MYH9: variants seen among roughly 807,000 people sequenced by gnomAD.
The protein encoded by MYH9 is myosin-9.
MYH9 carries 29 observed loss-of-function variants against 241.9 expected under a neutral mutation model. The observed-to-expected ratio is 0.12, with a 90% CI of 0.09 to 0.16. The LOEUF is 0.16. Among genes scored for constraint, MYH9 ranks in the 10% least tolerant of loss-of-function variants. MYH9 has a pLI of 1.00. For synonymous variants in MYH9, 1,047 were observed against 1,062.6 expected (o/e 0.99, Z 0.29); for missense variants, 1,803 against 2,595.5 (o/e 0.69, Z 6.63).
At chr22:36,378,228 C>T (rs1049955704) in intron 1 of MYH9, among the ~76,000 whole-genome samples, 7 of 151,744 alleles carry the variant, frequency 4.6e-5, no homozygotes, top group East Asian at 1.9e-4. Context: ...GAGTTGCTAT[C>T]GCGCCACCAC....
At chr22:36,369,368 G>T (rs902097122) in intron 1 of MYH9, among the ~76,000 whole-genome samples, 8 of 152,300 alleles carry the variant, frequency 5.3e-5, no homozygotes, top group African/African-American at 1.9e-4. Flanking sequence ...TGAGCATTTG[G>T]CATTATATAC....
At chr22:36,322,396 T>C (rs1232773635) in intron 6 of MYH9, 33 bp downstream of exon 6, 2 of 1,608,676 alleles carry the variant, frequency 1.2e-6, no homozygotes, top group South Asian at 2.2e-5. Flanking sequence ...AGGCCCTCTG[T>C]CCCCAGAGCC....
Position 36,283,789 on chromosome 22 carries a change from G to A in MYH9, c.5765+304C>T, listed in dbSNP as rs531217022. Among the ~76,000 whole-genome samples the A allele has an allele frequency of 1.4e-4, 21 of 152,328 alleles. No homozygotes were observed. In the South Asian group the frequency reaches 2.1e-3, roughly 15 times the overall value. On this transcript the variant is annotated intron_variant, in intron 40 of 40. Transcript: ENST00000216181. ...GGCATTGCTCATGAGGCTCACATTCGTTTTGCAGATATTTAACTGAGGCAC... is the reference window on the plus strand; with the variant it reads ...GGCATTGCTCATGAGGCTCACATTCATTTTGCAGATATTTAACTGAGGCAC...
intron 35 of MYH9, 57 bp from the exon 36 acceptor site, chr22:36,286,010 C>A: frequency 6.3e-7 from 1 of 1,590,990 alleles, no homozygotes; most frequent in South Asian, 1.1e-5. Context: ...CAAGACCATC[C>A]TTCCCAGCCC....
chr22:36,305,245 C>CA lies in MYH9; in HGVS notation c.2160-144dup. ...CAAACTCTCCTAAGGAAAGAAGACA[C>CA]AGGCAAATCCCACCCCACTCTTTTC... is the stretch of plus-strand genomic sequence containing the variant. On this transcript the variant is annotated intron_variant, in intron 17 of 40. Transcript: ENST00000216181. This position sits in a 1 kb window ranked among gnomAD's most constrained non-coding sequence, Gnocchi z 4.7. The CA allele has an allele frequency of 1.3e-6, 1 of 778,454 alleles. No homozygotes were observed. The highest frequency in any genetic ancestry group is 2.2e-6 in the Non-Finnish European group (1 of 454,372). 48.2% of individuals were successfully genotyped at this position (778,454 alleles called of 1,614,324 possible). A position where few individuals can be genotyped will look rare whatever the true frequency, so the allele number is the denominator to read the frequency against.
chr22:36,328,014 G>T, intron 3 of MYH9, among the ~76,000 whole-genome samples: 1 of 152,336 alleles, frequency 6.6e-6, no homozygotes, highest in East Asian at 1.9e-4. Flanking sequence ...CCTGAGACCC[G>T]GGACAGGTGC....
At chr22:36,334,116 G>A (rs1209033473) in intron 3 of MYH9, among the ~76,000 whole-genome samples, 3 of 152,064 alleles carry the variant, frequency 2.0e-5, no homozygotes, top group African/African-American at 2.4e-5. Context: ...TAAGCCTAAC[G>A]CTGAATCCTT....
intron 1 of MYH9, among the ~76,000 whole-genome samples, chr22:36,378,101 C>A (rs2018199328): frequency 6.6e-6 from 1 of 151,174 alleles, no homozygotes; most frequent in African/African-American, 2.4e-5. Flanking sequence ...ATGGCAAAAC[C>A]CTGTCTCTAC....
intron 9 of MYH9, chr22:36,319,840 G>A (rs539960690): frequency 4.1e-5 from 27 of 660,188 alleles, no homozygotes; most frequent in Middle Eastern, 4.0e-4. Context: ...CCTCCTGGCC[G>A]ACATGGCCTG....
intron 14 of MYH9, among the ~76,000 whole-genome samples, chr22:36,310,816 T>C (rs1209782309): frequency 6.6e-6 from 1 of 151,954 alleles, no homozygotes; most frequent in East Asian, 1.9e-4. Context: ...AGCAAAAGCC[T>C]TCCTGGAAGC....
intron 1 of MYH9, among the ~76,000 whole-genome samples, chr22:36,366,878 A>G (rs568570094): frequency 1.6e-4 from 24 of 152,146 alleles, no homozygotes; most frequent in African/African-American, 2.4e-5. Context: ...AGACTAGAAC[A>G]AACCCCCATC....
Position 36,306,577 on chromosome 22 carries a change from G to C in MYH9, c.1874C>G (p.Ala625Gly), listed in dbSNP as rs376240562. Reference protein sequence around the residue: ...VDRIIGLDQVAGMSETALPGA... With the variant: ...VDRIIGLDQVGGMSETALPGA... The stretch of plus-strand genomic sequence containing the variant: ...GGGCAGTGCGGTCTCCGACATGCCG[G>C]CCACCTGGTCCAGGCCGATGATGCG... Residue 625 changes from alanine (A) to glycine (G), a missense_variant, in exon 16 of 41, where the codon GCC becomes GGC. Coordinates refer to ENST00000216181, the MANE Select transcript of MYH9 (RefSeq NM_002473.6). This position sits in a 1 kb window ranked among gnomAD's most constrained non-coding sequence, Gnocchi z 4.1. 6.2e-7 allele frequency: 1 copy of C among 1,613,574 alleles called. No individual in the cohort carries two copies. Among genetic ancestry groups the C allele is most frequent in the Non-Finnish European group, 8.5e-7 (1 of 1,179,996 alleles).
rs1315796069 is a variant in MYH9, at chr22:36,285,882, G to A, written c.5133C>T (p.Ala1711=). The A allele has an allele frequency of 7.4e-6, 12 of 1,613,384 alleles. No individual in the cohort carries two copies. Among genetic ancestry groups the A allele is most frequent in the South Asian group, 2.2e-5 (2 of 91,062 alleles). Residue 1711 remains alanine (A), a synonymous_variant, in exon 36 of 41, where the codon GCC becomes GCT. Coordinates refer to ENST00000216181, the MANE Select transcript of MYH9 (RefSeq NM_002473.6). This position sits in a 1 kb window ranked among gnomAD's most constrained non-coding sequence, Gnocchi z 7.0. ...CAGCTCACCCTTTGCCGCTGCTGTT[G>A]GCGATCTCGTCAGCCAGCTCATCCC... ...QERDELADEI[A]NSSGKGALAL... is the part of the protein sequence containing the mutation.
intron 20 of MYH9, among the ~76,000 whole-genome samples, chr22:36,301,989 T>G (rs2016886034): frequency 1.3e-5 from 2 of 152,132 alleles, no homozygotes; most frequent in South Asian, 4.1e-4. Flanking sequence ...AACAGCACAC[T>G]ACCTCTAAAA....
chr22:36,348,835 A>AGGGG, intron 2 of MYH9, 69 bp downstream of exon 2: 4 of 868,992 alleles, frequency 4.6e-6, no homozygotes, highest in Non-Finnish European at 6.6e-6. Context: ...GGTGATGGGA[A>AGGGG]GACCCGCCCC....
chr22:36,344,602 AG>A (rs1423540213), intron 2 of MYH9, among the ~76,000 whole-genome samples: 1 of 152,246 alleles, frequency 6.6e-6, no homozygotes, highest in African/African-American at 2.4e-5. Context: ...GGCTGGTGAG[AG>A]GCAGGAGGAA....
rs2016961136 is a variant in MYH9 at position 36,305,910 on chromosome 22, G to A, written c.2159+20C>T. On this transcript the variant is annotated intron_variant, in intron 17 of 40. Transcript: ENST00000216181. This position sits in a 1 kb window ranked among gnomAD's most constrained non-coding sequence, Gnocchi z 4.7. ...CGCACAGCAGGGCCCAGGAGAAGCG[G>A]GCTCCGGGCCCTGGCTCACCTCTGC... The A allele has an allele frequency of 1.2e-6, 2 of 1,612,584 alleles. No homozygotes were observed. Among genetic ancestry groups the A allele is most frequent in the Non-Finnish European group, 1.7e-6 (2 of 1,179,760 alleles).
At position 36,301,613 on chromosome 22, in the gene MYH9, T is replaced by A. The variant is rs1164560286; in HGVS notation, c.2552A>T (p.Glu851Val). ...SRQEEEMMAK[E>V]EELVKVREKQ... ...CTCTCTGACCTTCACCAGCTCCTCC[T>A]CCTTGGCCATCATCTCCTCCTCCTG... The change falls in exon 21 of 41, where the codon GAG becomes GTG. Residue 851 changes from glutamate to valine, a missense_variant. By Grantham distance (121) the Glu-to-Val change is moderately radical (BLOSUM62 -2). Coordinates refer to ENST00000216181, the MANE Select transcript of MYH9 (RefSeq NM_002473.6). The A allele has an allele frequency of 6.2e-7, 1 of 1,613,928 alleles. No homozygotes were observed. The highest frequency in any genetic ancestry group is 8.5e-7 in the Non-Finnish European group (1 of 1,180,024).
At position 36,304,597 on chromosome 22, in the gene MYH9, C is replaced by G. The variant is rs555194599; in HGVS notation, c.2229+436G>C. On this transcript the variant is annotated intron_variant, in intron 18 of 40. Transcript: ENST00000216181. ...AATCAACCGGAACTCAGAGCATGCG[C>G]ACAGCCCGTCCAGCACTGCGCTAGG... 2.0e-5 allele frequency among the ~76,000 whole-genome samples: 3 copies of G among 152,338 alleles called. No individual in the cohort carries two copies. In the South Asian group the frequency reaches 6.2e-4, roughly 32 times the overall value.
Sources: gnomAD v4.1 joint callset for allele counts (sites outside exome capture counted in the v4.1 genomes callset) on GRCh38, gnomAD v4.1.1 for gene constraint, Gnocchi (gnomAD v3.1) non-coding constraint, MANE v1.5 for transcripts, NCBI Gene and HGNC (gene_info 2026-07-23, HGNC 2026-07-21) for gene names.